The following MYH9 variants were observed in gnomAD, a reference collection of about 807,000 sequenced individuals.
MYH9 encodes the protein myosin-9.
MYH9 carries 29 observed loss-of-function variants against 241.9 expected under a neutral mutation model. The ratio of observed to expected loss-of-function variants is 0.12; its 90% CI spans 0.09 to 0.16. The LOEUF (loss-of-function observed/expected upper bound fraction) is 0.16. MYH9 is among the 10% of genes least tolerant of loss of function. The probability of loss-of-function intolerance (pLI) is 1.00; values close to 1 mark genes in which losing one functional copy is unlikely to be tolerated. For missense variants in MYH9, 1,803 were observed against 2,595.5 expected (o/e 0.69, Z 6.63); for synonymous variants, 1,047 against 1,062.6 (o/e 0.99, Z 0.29).
chr22:36,312,328 G>T, intron 13 of MYH9, 106 bp from the exon 14 acceptor site: 6 of 1,171,534 alleles, frequency 5.1e-6, no homozygotes, highest in Non-Finnish European at 7.4e-6. Context: ...TCCCACAGAC[G>T]GTGGGCGACA....
chr22:36,356,451 C>T (rs186942887), intron 1 of MYH9, among the ~76,000 whole-genome samples: 9 of 151,874 alleles, frequency 5.9e-5, no homozygotes, highest in East Asian at 3.9e-4. Context: ...CGTGGTGGCG[C>T]GTGCCTGTAA....
intron 7 of MYH9, 151 bp downstream of exon 7, chr22:36,321,607 C>G: frequency 1.2e-6 from 1 of 802,878 alleles, no homozygotes; most frequent in Non-Finnish European, 2.2e-6. Flanking sequence ...TTGCACTAGC[C>G]GATCCTGACA....
At chr22:36,348,727 T>C (rs1263157258) in intron 2 of MYH9, among the ~76,000 whole-genome samples, 177 bp downstream of exon 2, 2 of 151,728 alleles carry the variant, frequency 1.3e-5, no homozygotes, top group African/African-American at 4.8e-5. Context: ...TATAAGAACA[T>C]CCCACTAGGA....
chr22:36,291,752 A>C (rs2016708025), intron 31 of MYH9, among the ~76,000 whole-genome samples: 1 of 151,702 alleles, frequency 6.6e-6, no homozygotes. Flanking sequence ...AATGTAAAAA[A>C]TCAGAAAGGA....
Position 36,285,130 on chromosome 22 carries a change from T to C in MYH9, c.5474A>G (p.Asn1825Ser), listed in dbSNP as rs1207813513. 4 of 1,613,928 alleles carry C rather than the reference T, an allele frequency of 2.5e-6. No homozygotes were observed. The highest frequency in any genetic ancestry group is 1.1e-5 in the South Asian group (1 of 91,076). The change falls in exon 38 of 41, where the codon AAC (asparagine) becomes AGC (serine). Residue 1825 changes from asparagine to serine, a missense_variant. Coordinates refer to ENST00000216181, the MANE Select transcript of MYH9 (RefSeq NM_002473.6). This position sits in a 1 kb window ranked among gnomAD's most constrained non-coding sequence, Gnocchi z 7.0. ...KIAQLEEQLD[N>S]ETKERQAACK... is the part of the protein sequence containing the mutation. ...GGCCAGGGGCACGTACTTGGTCTCG[T>C]TGTCCAGCTGCTCCTCCAGCTGTGC...
rs906890636 is a variant in MYH9, at chr22:36,282,753, C to T, written c.5798G>A (p.Arg1933Gln). Residue 1933 changes from arginine (R) to glutamine (Q), a missense_variant, in exon 41 of 41, where the codon CGA (arginine) becomes CAA (glutamine). Transcript: ENST00000216181. ...ATCCCCGGCGCCTTTCCGGGCCATT[C>T]GGCGGGGCACGACAAACGGCAGGTC... ...RGDLPFVVPR[R>Q]MARKGAGDGS... 4 of 1,613,000 alleles carry T rather than the reference C, an allele frequency of 2.5e-6. No individual in the cohort carries two copies. The highest frequency in any genetic ancestry group is 1.1e-5 in the South Asian group (1 of 91,092).
chr22:36,331,292 C>T (rs994902811), intron 3 of MYH9, among the ~76,000 whole-genome samples: 2 of 152,170 alleles, frequency 1.3e-5, no homozygotes, highest in Non-Finnish European at 2.9e-5. Flanking sequence ...CCTGCTGTCT[C>T]GGAGCTCCCA....
intron 1 of MYH9, among the ~76,000 whole-genome samples, chr22:36,374,964 G>A (rs569032591): frequency 6.6e-6 from 1 of 152,116 alleles, no homozygotes; most frequent in Non-Finnish European, 1.5e-5. Flanking sequence ...CCTCCTCCAG[G>A]AAGCCTTCTC....
chr22:36,301,473 C>G, intron 21 of MYH9, 61 bp downstream of exon 21: 1 of 1,606,540 alleles, frequency 6.2e-7, no homozygotes, highest in East Asian at 2.2e-5. Flanking sequence ...CTACCGATGG[C>G]CAGCAGGTGG....
intron 5 of MYH9, chr22:36,325,037 G>A: frequency 1.3e-6 from 1 of 759,978 alleles, no homozygotes; most frequent in Non-Finnish European, 2.4e-6. Flanking sequence ...TAAATACTTG[G>A]GAAATGGATT....
At chr22:36,287,248 C>G (rs2016601387) in intron 34 of MYH9, among the ~76,000 whole-genome samples, 1 of 152,170 alleles carries the variant, frequency 6.6e-6, no homozygotes, top group Non-Finnish European at 1.5e-5. Context: ...TCTTTTAACA[C>G]TAAAGACCTT....
At chr22:36,357,639 C>T (rs1185456026) in intron 1 of MYH9, among the ~76,000 whole-genome samples, 45 of 152,160 alleles carry the variant, frequency 3.0e-4, no homozygotes, top group Admixed American at 2.9e-3. Context: ...AAACGCAGCA[C>T]TATGAAGCCA....
Position 36,320,693 on chromosome 22 carries a change from C to A in MYH9, c.868+105G>T. ...TCACTCTCACTTCTCCCCGTTAAACCCAAGGCCAAAAGTTTTCATTTCCCA... is the reference window on the plus strand; with the variant it reads ...TCACTCTCACTTCTCCCCGTTAAACACAAGGCCAAAAGTTTTCATTTCCCA... On this transcript the variant is annotated intron_variant, in intron 8 of 40. Transcript: ENST00000216181. This position sits in a 1 kb window ranked among gnomAD's most constrained non-coding sequence, Gnocchi z 4.8. 9.8e-7 allele frequency: 1 copy of A among 1,017,524 alleles called. No individual in the cohort carries two copies. Among genetic ancestry groups the A allele is most frequent in the East Asian group, 2.5e-5 (1 of 39,308 alleles). The allele number at this position is 1,017,524 out of a possible 1,614,324, so 63.0% of individuals were successfully genotyped here. A position where few individuals can be genotyped will look rare whatever the true frequency, so the allele number is the denominator to read the frequency against.
intron 1 of MYH9, among the ~76,000 whole-genome samples, chr22:36,381,986 T>C (rs574097791): frequency 6.6e-5 from 10 of 152,146 alleles, no homozygotes; most frequent in African/African-American, 2.2e-4. Context: ...TCTTTTGTTG[T>C]TGTTGTTGTT....
chr22:36,334,503 G>A (rs763999114), intron 3 of MYH9, among the ~76,000 whole-genome samples: 15 of 152,262 alleles, frequency 9.9e-5, no homozygotes, highest in Non-Finnish European at 2.1e-4. Flanking sequence ...AGCCAGGACC[G>A]CGTCTGCTAT....
intron 13 of MYH9, 33 bp from the exon 14 acceptor site, chr22:36,312,255 G>A (rs2146354629): frequency 6.2e-7 from 1 of 1,611,914 alleles, no homozygotes; most frequent in Non-Finnish European, 8.5e-7. Flanking sequence ...ACAGGTGAGT[G>A]CACCCTGGGA....
At chr22:36,286,269 C>T (rs2016578879) in intron 35 of MYH9, among the ~76,000 whole-genome samples, 1 of 152,210 alleles carries the variant, frequency 6.6e-6, no homozygotes, top group Non-Finnish European at 1.5e-5. Context: ...CCTCCCTGTT[C>T]TGGGTAAGCC....
rs563207338 is a variant in MYH9 at position 36,312,451 on chromosome 22, A to C, written c.1555-229T>G. Among the ~76,000 whole-genome samples the C allele has an allele frequency of 5.3e-4, 81 of 152,286 alleles. 1 individual carries two copies. Among genetic ancestry groups the C allele is most frequent in the African/African-American group, 1.9e-3 (81 of 41,556 alleles). ...CAAGGATCCATCGCGGTGGTTCTCC[A>C]GCATTAGTGAAACCCTCAGTGGGTC... On this transcript the variant is annotated intron_variant, in intron 13 of 40. Coordinates refer to ENST00000216181, the MANE Select transcript of MYH9 (RefSeq NM_002473.6).
At chr22:36,355,219 G>A (rs749789757) in intron 1 of MYH9, among the ~76,000 whole-genome samples, 12 of 152,064 alleles carry the variant, frequency 7.9e-5, no homozygotes, top group Non-Finnish European at 1.2e-4. Flanking sequence ...TAATCGAGCG[G>A]GACACAACCA....
Sources: allele counts gnomAD v4.1 joint callset (sites outside exome capture counted in the v4.1 genomes callset), GRCh38; gene constraint gnomAD v4.1.1; non-coding constraint Gnocchi (gnomAD v3.1); transcripts MANE v1.5; gene names NCBI Gene and HGNC (gene_info 2026-07-23, HGNC 2026-07-21).